PRELID2: variants seen among roughly 807,000 people sequenced by gnomAD.
The protein encoded by PRELID2 is PRELI domain containing 2.
PRELID2 carries 25 observed loss-of-function variants against 28.4 expected under a neutral mutation model. The ratio of observed to expected loss-of-function variants is 0.88; its 90% CI spans 0.64 to 1.23. The LOEUF is 1.23. Ranked by LOEUF, PRELID2 falls within the 50% of genes most tolerant of loss-of-function variation. PRELID2 has a pLI of 0.00. For missense variants in PRELID2, 201 were observed against 214.4 expected (o/e 0.94, Z 0.39); for synonymous variants, 76 against 71.6 (o/e 1.06, Z -0.31).
the PRELID2 span, among the ~76,000 whole-genome samples, chr5:145,318,562 C>T: frequency 3.9e-5 from 6 of 152,212 alleles, no homozygotes; most frequent in Non-Finnish European, 7.3e-5. Context: ...CCCTGGCCCC[C>T]CTCACAAGAT....
the PRELID2 span, among the ~76,000 whole-genome samples, chr5:145,333,726 T>C: frequency 6.6e-6 from 1 of 151,322 alleles, no homozygotes; most frequent in Non-Finnish European, 1.5e-5. Context: ...TGGGATCCAC[T>C]GAGCTAGACC....
the PRELID2 span, among the ~76,000 whole-genome samples, chr5:145,398,926 A>C: frequency 1.3e-5 from 2 of 152,110 alleles, no homozygotes; most frequent in Admixed American, 6.6e-5. Context: ...TCATATAGAA[A>C]AAGGTTTCAG....
At chr5:145,305,071 A>G in the PRELID2 span, among the ~76,000 whole-genome samples, 1 of 152,170 alleles carries the variant, frequency 6.6e-6, no homozygotes, top group Non-Finnish European at 1.5e-5. Context: ...GCATACAACT[A>G]TTTCTACTAT....
chr5:145,649,884 C>T (rs1461280582), intron 1 of PRELID2, among the ~76,000 whole-genome samples: 6 of 152,046 alleles, frequency 3.9e-5, no homozygotes, highest in Non-Finnish European at 8.8e-5. Context: ...TTATCTCTTG[C>T]TTGTTTTATT....
At chr5:145,567,979 C>T (rs1752981827) in intron 1 of PRELID2, among the ~76,000 whole-genome samples, 2 of 152,194 alleles carry the variant, frequency 1.3e-5, no homozygotes, top group African/African-American at 4.8e-5. Context: ...CTCATTTAGA[C>T]AGACTTGCCC....
intron 1 of PRELID2, among the ~76,000 whole-genome samples, chr5:145,580,062 A>G (rs1753094514): frequency 6.6e-6 from 1 of 152,120 alleles, no homozygotes; most frequent in Non-Finnish European, 1.5e-5. Flanking sequence ...TGACCATTCC[A>G]GAAATATTTT....
chr5:145,734,438 A>T (rs780031869), intron 1 of PRELID2, among the ~76,000 whole-genome samples: 6 of 152,196 alleles, frequency 3.9e-5, no homozygotes, highest in Non-Finnish European at 8.8e-5. Context: ...GATTAAATCA[A>T]ATTATTATAA....
At chr5:145,488,633 T>C (rs919053969) in intron 1 of PRELID2, among the ~76,000 whole-genome samples, 2 of 152,200 alleles carry the variant, frequency 1.3e-5, no homozygotes, top group Non-Finnish European at 2.9e-5. Flanking sequence ...TTGTCCATTC[T>C]CTGGCATTCA....
intron 1 of PRELID2, among the ~76,000 whole-genome samples, chr5:145,653,510 C>T (rs1464247561): frequency 6.6e-6 from 1 of 152,190 alleles, no homozygotes; most frequent in Admixed American, 6.5e-5. Flanking sequence ...TAAAGCACTC[C>T]TCAGCAAATG....
chr5:145,549,782 G>A (rs1285170692), intron 1 of PRELID2, among the ~76,000 whole-genome samples: 5 of 150,208 alleles, frequency 3.3e-5, no homozygotes, highest in Non-Finnish European at 5.9e-5. Context: ...GTGACAGAGC[G>A]AGATTCAGTC....
At chr5:145,347,168 G>A in the PRELID2 span, among the ~76,000 whole-genome samples, 1 of 152,144 alleles carries the variant, frequency 6.6e-6, no homozygotes, top group Non-Finnish European at 1.5e-5. Context: ...GAAGGTCAGT[G>A]CATGTTTATT....
At chr5:145,517,958 A>G (rs1193874480) in intron 1 of PRELID2, among the ~76,000 whole-genome samples, 2 of 152,016 alleles carry the variant, frequency 1.3e-5, no homozygotes, top group Non-Finnish European at 2.9e-5. Flanking sequence ...ACATGGACAC[A>G]GGGTTGGGAA....
the PRELID2 span, among the ~76,000 whole-genome samples, chr5:145,292,076 A>G: frequency 2.0e-5 from 3 of 152,164 alleles, no homozygotes; most frequent in East Asian, 1.9e-4. Context: ...TCATTCATCA[A>G]TAAAAACCAC....
intron 5 of PRELID2, among the ~76,000 whole-genome samples, chr5:145,791,273 C>T (rs1752374672): frequency 6.6e-6 from 1 of 152,086 alleles, no homozygotes; most frequent in Non-Finnish European, 1.5e-5. Flanking sequence ...CACCTGGCCC[C>T]ACCTTGACAC....
the PRELID2 span, among the ~76,000 whole-genome samples, chr5:145,250,211 C>A: frequency 6.6e-6 from 1 of 152,064 alleles, no homozygotes; most frequent in African/African-American, 2.4e-5. Context: ...ACACAGACAA[C>A]CTTCGTCAGC....
At chr5:145,424,421 C>T in the PRELID2 span, among the ~76,000 whole-genome samples, 28 of 152,326 alleles carry the variant, frequency 1.8e-4, no homozygotes, top group South Asian at 1.0e-3. Flanking sequence ...CAGCCAGGTG[C>T]GGGATATAAT....
intron 1 of PRELID2, among the ~76,000 whole-genome samples, chr5:145,601,185 A>G (rs1251292433): frequency 6.6e-6 from 1 of 152,156 alleles, no homozygotes; most frequent in African/African-American, 2.4e-5. Context: ...AATAAAAATA[A>G]GCACCAGAAA....
At chr5:145,657,206 G>A (rs1754411004) in intron 1 of PRELID2, among the ~76,000 whole-genome samples, 1 of 152,182 alleles carries the variant, frequency 6.6e-6, no homozygotes, top group African/African-American at 2.4e-5. Context: ...CAAGGATTTA[G>A]TGTTAGTTTA....
the PRELID2 span, among the ~76,000 whole-genome samples, chr5:145,414,683 T>C: frequency 6.6e-6 from 1 of 152,328 alleles, no homozygotes; most frequent in African/African-American, 2.4e-5. Flanking sequence ...CTGGCAGAAT[T>C]GTGAATCAGA....
Sources: gnomAD v4.1 joint callset for allele counts (sites outside exome capture counted in the v4.1 genomes callset) on GRCh38, gnomAD v4.1.1 for gene constraint, MANE v1.5 for transcripts, NCBI Gene and HGNC (gene_info 2026-07-23, HGNC 2026-07-21) for gene names.